RBFOX1: variants seen among roughly 807,000 people sequenced by gnomAD.
RBFOX1 encodes the protein RNA binding fox-1 homolog 1.
In RBFOX1, 8 loss-of-function variants were observed where a neutral mutation model predicts 57.7. That is an observed-to-expected ratio of 0.14 (90% CI 0.08 to 0.25). The LOEUF is 0.25. Among genes scored for constraint, RBFOX1 ranks in the 10% least tolerant of loss-of-function variants. The probability of loss-of-function intolerance (pLI) is 1.00; values close to 1 mark genes in which losing one functional copy is unlikely to be tolerated. For missense variants in RBFOX1, 611 were observed against 548.5 expected, an observed-to-expected ratio of 1.11 and a Z score of -1.14; for synonymous variants, 326 against 222.4, an observed-to-expected ratio of 1.47 and a Z score of -4.15.
Position 5,666,117 on chromosome 16 carries a change from C to T in RBFOX1, c.318+67156C>T, listed in dbSNP as rs893634471. Among the ~76,000 whole-genome samples the T allele has an allele frequency of 6.6e-4, 101 of 152,208 alleles. 2 individuals carry two copies. Among genetic ancestry groups the T allele is most frequent in the Non-Finnish European group, 1.3e-3 (86 of 68,038 alleles). ...TGCCCCCAAGGGAGGTTTGCAGGGGCCGGTTCCGTTTGCCTGGAGCCTTTA... is the reference window on the plus strand; with the variant it reads ...TGCCCCCAAGGGAGGTTTGCAGGGGTCGGTTCCGTTTGCCTGGAGCCTTTA... On this transcript the variant is annotated intron_variant, in intron 3 of 19. Transcript: ENST00000641259.
intron 4 of RBFOX1, among the ~76,000 whole-genome samples, chr16:7,371,633 C>T (rs749636727): frequency 6.6e-6 from 1 of 152,082 alleles, no homozygotes; most frequent in Non-Finnish European, 1.5e-5. Context: ...GCCTATAATC[C>T]CAGCTACTCA....
chr16:7,340,638 C>T (rs116459284), intron 4 of RBFOX1, among the ~76,000 whole-genome samples: 1,984 of 152,286 alleles, frequency 0.013, 42 homozygotes, highest in African/African-American at 0.044. Flanking sequence ...TGCAGCCACA[C>T]CACTTCTCTT....
At chr16:6,918,133 C>G (rs951523335) in intron 3 of RBFOX1, among the ~76,000 whole-genome samples, 2 of 151,998 alleles carry the variant, frequency 1.3e-5, no homozygotes, top group Non-Finnish European at 2.9e-5. Context: ...ACTAAAAATG[C>G]AGAAATTAGC....
intron 3 of RBFOX1, among the ~76,000 whole-genome samples, chr16:6,934,971 C>G (rs560208351): frequency 6.6e-6 from 1 of 151,966 alleles, no homozygotes; most frequent in Non-Finnish European, 1.5e-5. Context: ...GCCTGTGGTT[C>G]CAGCAAGTCG....
Position 5,897,342 on chromosome 16 carries a change from C to T in RBFOX1, c.351+30007C>T, listed in dbSNP as rs146231815. On this transcript the variant is annotated intron_variant, in intron 4 of 19. Coordinates refer to the RBFOX1 transcript ENST00000641259. ...GAGCCACCGCGCCCGGCCCTCCATC[C>T]GCTTTTAAACAGAAAAGGCATTCCA... Among the ~76,000 whole-genome samples the T allele has an allele frequency of 3.8e-4, 57 of 149,670 alleles. No individual in the cohort carries two copies. The East Asian group carries it at 7.0e-3, about 18-fold the overall frequency.
intron 4 of RBFOX1, among the ~76,000 whole-genome samples, chr16:7,363,431 C>T (rs376762415): frequency 3.3e-5 from 5 of 152,040 alleles, no homozygotes; most frequent in African/African-American, 1.2e-4. Flanking sequence ...AGCACAGAGC[C>T]GTTAGAACAG....
chr16:7,316,987 A>ACACACACACAAAC lies in RBFOX1; in HGVS notation c.28-201160_28-201159insCACACACACAAAC, dbSNP rs1568178930. ...GAACACACACACACACACACACACA[A>ACACACACACAAAC]ACACACACACACACAATAAGAGGGT... On this transcript the variant is annotated intron_variant, in intron 4 of 15. Coordinates refer to ENST00000550418, the MANE Select transcript of RBFOX1 (RefSeq NM_018723.4). Among the ~76,000 whole-genome samples, 10 of 45,918 alleles carry ACACACACACAAAC rather than the reference A, an allele frequency of 2.2e-4. No homozygotes were observed. The South Asian group carries it at 5.0e-3, about 23-fold the overall frequency. The allele number at this position is 45,918 out of a possible 152,430, so 30.1% of individuals were successfully genotyped here. A position where few individuals can be genotyped will look rare whatever the true frequency, so the allele number is the denominator to read the frequency against.
chr16:6,392,354 G>A (rs1220132153), intron 2 of RBFOX1, among the ~76,000 whole-genome samples: 1 of 152,044 alleles, frequency 6.6e-6, no homozygotes, highest in Non-Finnish European at 1.5e-5. Flanking sequence ...TTTGTCTCCT[G>A]GACCATAGAG....
intron 2 of RBFOX1, among the ~76,000 whole-genome samples, chr16:5,588,239 G>A (rs1322052612): frequency 6.6e-6 from 1 of 152,158 alleles, no homozygotes; most frequent in Non-Finnish European, 1.5e-5. Flanking sequence ...TGGAGGTGAT[G>A]GAGTTTCATG....
rs148028875 is a variant in RBFOX1 at position 5,312,977 on chromosome 16, T to A, written c.219+72872T>A. 5.9e-5 allele frequency among the ~76,000 whole-genome samples: 9 copies of A among 152,330 alleles called. No individual in the cohort carries two copies. In the East Asian group the frequency reaches 1.7e-3, roughly 29 times the overall value. On this transcript the variant is annotated intron_variant, in intron 1 of 2. Transcript: ENST00000585867. ...CAGTAGGCGCTTATTTGTTTAATGA[T>A]GCTTAGTGCCTTTTTTTTCCAGGCA...
intron 3 of RBFOX1, among the ~76,000 whole-genome samples, chr16:7,003,523 C>G (rs991938329): frequency 6.6e-6 from 1 of 151,526 alleles, no homozygotes; most frequent in African/African-American, 2.4e-5. Context: ...AAATCCTGCT[C>G]TCAGGGATGC....
chr16:6,761,332 T>C (rs774488593), intron 3 of RBFOX1, among the ~76,000 whole-genome samples: 10 of 152,158 alleles, frequency 6.6e-5, no homozygotes, highest in African/African-American at 2.4e-4. Flanking sequence ...AAAATGTCAC[T>C]TGTATATGTT....
At chr16:5,660,462 C>T (rs528631134) in intron 3 of RBFOX1, among the ~76,000 whole-genome samples, 2 of 152,266 alleles carry the variant, frequency 1.3e-5, no homozygotes, top group African/African-American at 2.4e-5. Context: ...CCTGTGATTT[C>T]GTTATCAATG....
chr16:7,059,393 G>T (rs7198463), intron 4 of RBFOX1, among the ~76,000 whole-genome samples: 3,299 of 152,246 alleles, frequency 0.022, 108 homozygotes, highest in African/African-American at 0.073. Flanking sequence ...ATTTATTCAA[G>T]AAATATTTTT....
chr16:6,883,641 A>C (rs2063388847), intron 3 of RBFOX1, among the ~76,000 whole-genome samples: 1 of 152,178 alleles, frequency 6.6e-6, no homozygotes, highest in South Asian at 2.1e-4. Flanking sequence ...TCAAAGCTAG[A>C]TTTCTATCTT....
chr16:5,733,659 A>T (rs142078120), intron 3 of RBFOX1, among the ~76,000 whole-genome samples: 5 of 151,598 alleles, frequency 3.3e-5, no homozygotes, highest in African/African-American at 1.2e-4. Flanking sequence ...AGCTTTCCCA[A>T]ACACCCTTGT....
intron 3 of RBFOX1, among the ~76,000 whole-genome samples, chr16:6,789,263 T>C (rs2082497694): frequency 6.6e-6 from 1 of 152,198 alleles, no homozygotes; most frequent in African/African-American, 2.4e-5. Context: ...GCGATCCCCA[T>C]GGTTCACCAG....
intron 2 of RBFOX1, among the ~76,000 whole-genome samples, chr16:5,578,276 C>T (rs1365535589): frequency 1.3e-5 from 2 of 152,132 alleles, no homozygotes; most frequent in Admixed American, 6.5e-5. Flanking sequence ...ATGACCTGGG[C>T]TTCTCACCTA....
chr16:6,583,236 G>A (rs868809495), intron 2 of RBFOX1, among the ~76,000 whole-genome samples: 5 of 152,134 alleles, frequency 3.3e-5, no homozygotes, highest in African/African-American at 4.8e-5. Context: ...ACTGTGGTCC[G>A]GGGCACATGG....
Sources: allele counts gnomAD v4.1 joint callset (sites outside exome capture counted in the v4.1 genomes callset), GRCh38; gene constraint gnomAD v4.1.1; transcripts MANE v1.5; gene names NCBI Gene and HGNC (gene_info 2026-07-23, HGNC 2026-07-21).